The following AOPEP variants were observed in gnomAD, a reference collection of about 807,000 sequenced individuals.
AOPEP encodes the protein aminopeptidase O.
Under a neutral mutation model 98.1 loss-of-function variants are expected in AOPEP, and 77 were observed. The ratio of observed to expected loss-of-function variants is 0.78; its 90% CI spans 0.65 to 0.95. The LOEUF (loss-of-function observed/expected upper bound fraction) is 0.95. Among genes scored for constraint, AOPEP ranks in the 40% least tolerant of loss-of-function variants. The probability of loss-of-function intolerance (pLI) is 0.00; values close to 1 mark genes in which losing one functional copy is unlikely to be tolerated. For synonymous variants in AOPEP, 346 were observed against 365.3 expected (o/e 0.95, Z 0.60); for missense variants, 1,024 against 1,024.7 (o/e 1.00, Z 0.01).
chr9:94,800,880 G>C lies in AOPEP; in HGVS notation c.1242G>C (p.Glu414Asp). The stretch of plus-strand genomic sequence containing the variant: ...TGTGCCTCACGGGTGCCTGCCAAGA[G>C]ACCCTTCTGCGGCTGATCCCTCCTT... ...APVCLTGACQETLLRLIPPCL... is the reference protein window; with the variant it reads ...APVCLTGACQDTLLRLIPPCL... Residue 414 changes from glutamate to aspartate, a missense_variant, in exon 5 of 17, where the codon GAG becomes GAC. This residue lies in a region of AOPEP where 566 missense variants were observed against 551.7 expected (regional missense o/e 1.03). Transcript: ENST00000375315. The C allele has an allele frequency of 6.2e-7, 1 of 1,614,140 alleles. No individual in the cohort carries two copies. Among genetic ancestry groups the C allele is most frequent in the Non-Finnish European group, 8.5e-7 (1 of 1,180,028 alleles).
chr9:95,039,900 G>A (rs2065142396), intron 13 of AOPEP, among the ~76,000 whole-genome samples: 1 of 152,208 alleles, frequency 6.6e-6, no homozygotes, highest in African/African-American at 2.4e-5. Context: ...GTTTCAGGAT[G>A]TTAAATTTTT....
intron 11 of AOPEP, among the ~76,000 whole-genome samples, chr9:94,989,888 C>A (rs2060784683): frequency 1.3e-5 from 2 of 152,278 alleles, no homozygotes; most frequent in South Asian, 4.1e-4. Flanking sequence ...GGATTACAGG[C>A]ATGAGCCACT....
chr9:95,117,389 A>G, the AOPEP span: 8 of 1,613,242 alleles, frequency 5.0e-6, no homozygotes, highest in Non-Finnish European at 6.8e-6. Flanking sequence ...TGCAAACCGC[A>G]GCTGCCACAG....
At chr9:94,891,409 TTATGA>T (rs2048865903) in intron 5 of AOPEP, among the ~76,000 whole-genome samples, 1 of 152,232 alleles carries the variant, frequency 6.6e-6, no homozygotes, top group Non-Finnish European at 1.5e-5. Context: ...TTTAATGTAA[TTATGA>T]TATGCTAGGG....
intron 1 of AOPEP, among the ~76,000 whole-genome samples, chr9:94,758,758 C>T (rs751258692): frequency 6.6e-6 from 1 of 152,134 alleles, no homozygotes; most frequent in Non-Finnish European, 1.5e-5. Flanking sequence ...AGGTACACAA[C>T]GGGGACTGAA....
intron 7 of AOPEP, among the ~76,000 whole-genome samples, chr9:94,947,854 C>A (rs566913233): frequency 6.6e-6 from 1 of 152,234 alleles, no homozygotes; most frequent in East Asian, 1.9e-4. Context: ...GCGCATCTGA[C>A]CCCAGAGCCC....
intron 5 of AOPEP, among the ~76,000 whole-genome samples, chr9:94,816,901 A>G (rs921793350): frequency 3.3e-5 from 5 of 152,244 alleles, no homozygotes; most frequent in African/African-American, 4.8e-5. Context: ...GCCTGTGCAC[A>G]TGGTGTTTCA....
chr9:94,940,522 A>G (rs2056886316), intron 7 of AOPEP, among the ~76,000 whole-genome samples: 1 of 152,136 alleles, frequency 6.6e-6, no homozygotes, highest in South Asian at 2.1e-4. Flanking sequence ...GAATTTCTTG[A>G]ACCTGAGAGG....
At chr9:94,954,031 C>T (rs1399289109) in intron 7 of AOPEP, among the ~76,000 whole-genome samples, 1 of 152,048 alleles carries the variant, frequency 6.6e-6, no homozygotes, top group African/African-American at 2.4e-5. Context: ...CAAATCAAAA[C>T]AAGGCATAAA....
downstream of AOPEP, among the ~76,000 whole-genome samples, chr9:95,089,040 A>G (rs1299401226): frequency 6.6e-6 from 1 of 152,208 alleles, no homozygotes; most frequent in East Asian, 1.9e-4. Context: ...CACTCTCTCC[A>G]GGCAGGAGGC....
At chr9:95,041,999 A>G (rs769199073) in intron 13 of AOPEP, among the ~76,000 whole-genome samples, 4 of 152,124 alleles carry the variant, frequency 2.6e-5, no homozygotes, top group African/African-American at 9.7e-5. Context: ...GATGAATTCA[A>G]GTGTAGCCAA....
intron 14 of AOPEP, among the ~76,000 whole-genome samples, chr9:95,067,672 GT>G (rs1041066299): frequency 3.3e-5 from 5 of 152,290 alleles, no homozygotes; most frequent in African/African-American, 1.2e-4. Flanking sequence ...AGGGGTAACT[GT>G]TTTTAGTAAC....
rs1491289049 is a variant in AOPEP at position 94,834,808 on chromosome 9, G to GCATA, written c.1364+33809_1364+33810insACAT. Among the ~76,000 whole-genome samples, 988 of 102,718 alleles carry GCATA rather than the reference G, an allele frequency of 9.6e-3. 17 individuals carry two copies. The highest frequency in any genetic ancestry group is 0.048 in the African/African-American group (945 of 19,814). 67.4% of individuals were successfully genotyped at this position (102,718 alleles called of 152,430 possible). ...ACTGTCTCTAAATGCATGCATGCAT[G>GCATA]CATGCATACATACATACATACATAC... On this transcript the variant is annotated intron_variant, in intron 5 of 16. Transcript: ENST00000375315.
intron 3 of AOPEP, among the ~76,000 whole-genome samples, chr9:94,781,310 A>T (rs183049241): frequency 1.9e-3 from 294 of 152,288 alleles, no homozygotes; most frequent in Non-Finnish European, 3.4e-3. Context: ...TGCCTTGTAT[A>T]GAATAAGTGC....
At chr9:94,735,066 T>C (rs779548323) in intron 1 of AOPEP, among the ~76,000 whole-genome samples, 6 of 152,248 alleles carry the variant, frequency 3.9e-5, no homozygotes, top group Non-Finnish European at 5.9e-5. Context: ...TATTTATATA[T>C]GCATTGACCA....
chr9:94,946,628 T>C (rs1466257302), intron 7 of AOPEP, among the ~76,000 whole-genome samples: 1 of 152,238 alleles, frequency 6.6e-6, no homozygotes, highest in Non-Finnish European at 1.5e-5. Context: ...TCTCCAGAAT[T>C]GCACAGAATG....
chr9:94,870,856 A>T (rs999130590), intron 5 of AOPEP, among the ~76,000 whole-genome samples: 4 of 152,238 alleles, frequency 2.6e-5, no homozygotes, highest in Admixed American at 6.5e-5. Context: ...GCTTCAAAGG[A>T]TCGCTGCCCT....
intron 9 of AOPEP, among the ~76,000 whole-genome samples, chr9:94,960,367 C>T (rs1029317400): frequency 1.1e-4 from 17 of 149,834 alleles, no homozygotes; most frequent in Non-Finnish European, 1.6e-4. Flanking sequence ...GGCGAGATCA[C>T]GCCACTGCAC....
chr9:94,860,349 C>T (rs1386847311), intron 5 of AOPEP, among the ~76,000 whole-genome samples: 1 of 146,120 alleles, frequency 6.8e-6, no homozygotes, highest in Non-Finnish European at 1.5e-5. Flanking sequence ...TAAATCTGAG[C>T]TTCATTCTGA....
Sources: gnomAD v4.1 joint callset for allele counts (sites outside exome capture counted in the v4.1 genomes callset) on GRCh38, gnomAD v4.1.1 for gene constraint, gnomAD v4.1.1 regional missense constraint, MANE v1.5 for transcripts, NCBI Gene and HGNC (gene_info 2026-07-23, HGNC 2026-07-21) for gene names.